USP25: variants seen among roughly 807,000 people sequenced by gnomAD.
USP25 encodes the protein ubiquitin specific peptidase 25.
USP25 carries 85 observed loss-of-function variants against 158.5 expected under a neutral mutation model. The observed-to-expected ratio is 0.54, with a 90% confidence interval of 0.45 to 0.64. USP25 has a LOEUF of 0.64. Among genes scored for constraint, USP25 ranks in the 30% least tolerant of loss-of-function variants. The pLI, the probability that USP25 is intolerant of heterozygous loss-of-function variation, is 0.00. For missense variants in USP25, 1,242 were observed against 1,327.3 expected, an observed-to-expected ratio of 0.94 and a Z score of 1.00; for synonymous variants, 464 against 460.4, an observed-to-expected ratio of 1.01 and a Z score of -0.10.
chr21:15,749,739 A>C (rs1430980173), intron 1 of USP25, among the ~76,000 whole-genome samples: 2 of 152,352 alleles, frequency 1.3e-5, no homozygotes, highest in African/African-American at 4.8e-5. Flanking sequence ...GATCTTATAA[A>C]GGAGGTAATA....
intron 7 of USP25, 23 bp downstream of exon 7, chr21:15,805,281 T>C: frequency 3.2e-6 from 5 of 1,560,982 alleles, no homozygotes; most frequent in Non-Finnish European, 4.3e-6. Context: ...CACTGACTTG[T>C]TCATTAACCA....
Position 15,830,561 on chromosome 21 carries a change from G to A in USP25, c.1724G>A (p.Arg575Gln), listed in dbSNP as rs762541260. ...DLQESISRIH[R>Q]TIELMYSDKS... ...CAGGAAAGCATATCCAGAATCCATC[G>A]AACAATTGAATTAATGTACTCTGAC... is the stretch of plus-strand genomic sequence containing the variant. The change falls in exon 15 of 26, where the codon CGA becomes CAA. Residue 575 changes from arginine to glutamine, a missense_variant. This residue lies in a region of USP25 where 627 missense variants were observed against 701.4 expected (regional missense o/e 0.89). Transcript: ENST00000400183. 2.5e-6 allele frequency: 4 copies of A among 1,603,742 alleles called. No individual in the cohort carries two copies. In the Admixed American group the frequency reaches 5.1e-5, roughly 20 times the overall value.
intron 4 of USP25, among the ~76,000 whole-genome samples, chr21:15,785,190 C>G (rs1487992221): frequency 1.3e-5 from 2 of 151,904 alleles, no homozygotes; most frequent in Non-Finnish European, 2.9e-5. Context: ...ATAATCAATT[C>G]ACCAAGAAGC....
rs1568885196 is a variant in USP25 at position 15,847,768 on chromosome 21, G to GA, written c.2444dup (p.Asp815GlufsTer2). ...GATTGAATCAAAGGAGGGGGGGTAT[G>GA]ATGACGAGGTACCTTTTACAGCCCT... is the stretch of plus-strand genomic sequence containing the variant. On this transcript the variant is annotated frameshift_variant, in exon 19 of 26. Coordinates refer to ENST00000400183, the MANE Select transcript of USP25 (RefSeq NM_001283041.3). LOFTEE classifies it high-confidence loss of function. 5 of 1,547,732 alleles carry GA rather than the reference G, an allele frequency of 3.2e-6. No homozygotes were observed. In the South Asian group the frequency reaches 6.0e-5, roughly 18 times the overall value.
At chr21:15,795,855 A>G (rs539672927) in intron 5 of USP25, among the ~76,000 whole-genome samples, 3 of 151,606 alleles carry the variant, frequency 2.0e-5, no homozygotes, top group African/African-American at 7.2e-5. Flanking sequence ...CTGCCTCACC[A>G]TGAAACTTAT....
chr21:15,847,529 G>A, intron 18 of USP25, 134 bp from the exon 19 acceptor site: 1 of 593,444 alleles, frequency 1.7e-6, no homozygotes, highest in South Asian at 2.3e-5. Flanking sequence ...CATGTGCGTT[G>A]GAACTTTTAA....
intron 8 of USP25, among the ~76,000 whole-genome samples, chr21:15,810,011 G>A (rs1238379667): frequency 6.6e-6 from 1 of 152,040 alleles, no homozygotes; most frequent in Admixed American, 6.6e-5. Context: ...GAGATGAGGA[G>A]TTGTTTAATG....
chr21:15,867,373 A>G (rs1317867738), intron 22 of USP25, among the ~76,000 whole-genome samples: 1 of 152,096 alleles, frequency 6.6e-6, no homozygotes, highest in Non-Finnish European at 1.5e-5. Context: ...AAAGAGAGAG[A>G]AAACACTCAT....
intron 3 of USP25, among the ~76,000 whole-genome samples, chr21:15,777,150 A>C (rs1390199123): frequency 6.6e-6 from 1 of 152,182 alleles, no homozygotes; most frequent in Non-Finnish European, 1.5e-5. Flanking sequence ...TTTTGGAAAA[A>C]GAATTAATAC....
chr21:15,830,468 T>G (rs2037743317), intron 14 of USP25, 63 bp from the exon 15 acceptor site: 1 of 1,425,576 alleles, frequency 7.0e-7, no homozygotes, highest in South Asian at 1.3e-5. Context: ...AAAACATTAG[T>G]CCTTATCTTA....
At chr21:15,809,772 G>A (rs1014857635) in intron 8 of USP25, among the ~76,000 whole-genome samples, 2 of 152,070 alleles carry the variant, frequency 1.3e-5, no homozygotes, top group South Asian at 2.1e-4. Context: ...ATAGGTGAAT[G>A]GATAAACAAA....
chr21:15,799,914 G>A, intron 6 of USP25, 71 bp downstream of exon 6: 1 of 1,016,884 alleles, frequency 9.8e-7, no homozygotes, highest in Non-Finnish European at 1.4e-6. Flanking sequence ...TTGATTTTTG[G>A]GCATTTACTT....
chr21:15,824,941 G>A (rs2037426435), intron 11 of USP25, 25 bp from the exon 12 acceptor site: 29 of 1,562,276 alleles, frequency 1.9e-5, no homozygotes, highest in Non-Finnish European at 2.5e-5. Context: ...ATTCGGAAAT[G>A]CTAATGATTA....
At chr21:15,847,103 G>A (rs1228334978) in intron 18 of USP25, among the ~76,000 whole-genome samples, 1 of 151,954 alleles carries the variant, frequency 6.6e-6, no homozygotes, top group African/African-American at 2.4e-5. Context: ...GATATTAACT[G>A]GATACACAAT....
chr21:15,871,396 A>G (rs1389935783), intron 23 of USP25, among the ~76,000 whole-genome samples: 1 of 152,204 alleles, frequency 6.6e-6, no homozygotes, highest in Admixed American at 6.5e-5. Flanking sequence ...ATGTGATCGT[A>G]TAATTCAATA....
At chr21:15,801,784 G>A (rs1261610389) in intron 6 of USP25, among the ~76,000 whole-genome samples, 1 of 151,540 alleles carries the variant, frequency 6.6e-6, no homozygotes, top group Non-Finnish European at 1.5e-5. Context: ...CCATTTGTAT[G>A]CACTTTTAAA....
intron 1 of USP25, 56 bp downstream of exon 1, chr21:15,730,494 C>G (rs1230086049): frequency 7.7e-7 from 1 of 1,302,154 alleles, no homozygotes; most frequent in Non-Finnish European, 9.8e-7. Context: ...GGGCTGTCCT[C>G]TCCCGCTGCG....
intron 4 of USP25, among the ~76,000 whole-genome samples, chr21:15,780,721 G>T (rs538948897): frequency 6.6e-6 from 1 of 152,258 alleles, no homozygotes; most frequent in African/African-American, 2.4e-5. Context: ...GAATAGTCAG[G>T]GTGGAATTCT....
chr21:15,837,511 G>A (rs968880522), intron 17 of USP25, among the ~76,000 whole-genome samples: 6 of 152,190 alleles, frequency 3.9e-5, no homozygotes, highest in Non-Finnish European at 8.8e-5. Flanking sequence ...CTGGAGAAAG[G>A]ATCTGATACA....
Sources: gnomAD v4.1 joint callset for allele counts (sites outside exome capture counted in the v4.1 genomes callset) on GRCh38, gnomAD v4.1.1 for gene constraint, gnomAD v4.1.1 regional missense constraint, MANE v1.5 for transcripts, NCBI Gene and HGNC (gene_info 2026-07-23, HGNC 2026-07-21) for gene names.